ITSN1: variants seen among roughly 807,000 people sequenced by gnomAD.
The protein encoded by ITSN1 is intersectin 1.
ITSN1 carries 58 observed loss-of-function variants against 239.8 expected under a neutral mutation model. The ratio of observed to expected loss-of-function variants is 0.24; its 90% CI spans 0.20 to 0.30. ITSN1 has a LOEUF of 0.30. Among genes scored for constraint, ITSN1 ranks in the 10% least tolerant of loss-of-function variants. The pLI is 1.00. For synonymous variants in ITSN1, 780 were observed against 770.8 expected (o/e 1.01, Z -0.20); for missense variants, 1,558 against 2,103.3 (o/e 0.74, Z 5.07).
At chr21:33,746,033 T>C (rs560564967) in intron 5 of ITSN1, among the ~76,000 whole-genome samples, 61 of 152,308 alleles carry the variant, frequency 4.0e-4, no homozygotes, top group African/African-American at 1.4e-3. Context: ...GAGCACAACT[T>C]CCGTCCCATC....
Position 33,772,833 on chromosome 21 carries a change from A to G in ITSN1, c.1305+510A>G, listed in dbSNP as rs146490790. 3.9e-5 allele frequency among the ~76,000 whole-genome samples: 6 copies of G among 152,268 alleles called. No individual in the cohort carries two copies. In the East Asian group the frequency reaches 1.2e-3, roughly 29 times the overall value. On this transcript the variant is annotated intron_variant, in intron 12 of 39. Coordinates refer to ENST00000381318, the MANE Select transcript of ITSN1 (RefSeq NM_003024.3). ...TAATGTACAAGTTTTTGATGATACA[A>G]TTTTGTAACAAACCACTGATACCAG...
At chr21:33,779,813 G>A (rs2070000626) in intron 14 of ITSN1, among the ~76,000 whole-genome samples, 3 of 152,168 alleles carry the variant, frequency 2.0e-5, no homozygotes, top group Middle Eastern at 6.8e-3. Flanking sequence ...CAAAATGCAT[G>A]CACCTTTTTA....
At chr21:33,733,537 TAATG>T (rs971355683) in intron 4 of ITSN1, among the ~76,000 whole-genome samples, 1 of 152,124 alleles carries the variant, frequency 6.6e-6, no homozygotes, top group African/African-American at 2.4e-5. Flanking sequence ...AATCAACAAA[TAATG>T]AATTTTTAAA....
chr21:33,767,883 T>A lies in ITSN1; in HGVS notation c.1042+55T>A, dbSNP rs575623686. Reference sequence around the variant, plus strand: ...ATTTAGATTAAACGAAATTAGAGATTTCCTATCTCTAAGACAAAGATAGAG... The same window carrying A: ...ATTTAGATTAAACGAAATTAGAGATATCCTATCTCTAAGACAAAGATAGAG... On this transcript the variant is annotated intron_variant, in intron 11 of 39. Transcript: ENST00000381318. The A allele has an allele frequency of 7.9e-5, 78 of 982,594 alleles. 1 individual carries two copies. In the South Asian group the frequency reaches 9.2e-4, roughly 12 times the overall value. 60.9% of individuals were successfully genotyped at this position (982,594 alleles called of 1,614,324 possible). A position where few individuals can be genotyped will look rare whatever the true frequency, so the allele number is the denominator to read the frequency against.
Position 33,810,991 on chromosome 21 carries a change from C to T in ITSN1, c.2336C>T (p.Thr779Ile). 1 of 1,614,190 alleles carries T rather than the reference C, an allele frequency of 6.2e-7. No individual in the cohort carries two copies. The highest frequency in any genetic ancestry group is 8.5e-7 in the Non-Finnish European group (1 of 1,180,026). The change falls in exon 21 of 40, where the codon ACT becomes ATT. Residue 779 changes from threonine (T) to isoleucine (I), a missense_variant. Coordinates refer to ENST00000381318, the MANE Select transcript of ITSN1 (RefSeq NM_003024.3). ...VKGEWVDESQ[T>I]GEPGWLGGEL... ...TTTCCACAGGTGGATGAAAGCCAAA[C>T]TGGAGAACCCGGCTGGCTTGGAGGA...
chr21:33,880,771 T>C (rs1422838702), intron 34 of ITSN1, among the ~76,000 whole-genome samples: 1 of 151,906 alleles, frequency 6.6e-6, no homozygotes, highest in Admixed American at 6.6e-5. Context: ...CCCAGGCCAA[T>C]TGTGTGGGCA....
rs780710511 is a variant in ITSN1 at position 33,891,018 on chromosome 21, G to C, written c.*2718G>C. ...ACTGAACTATCCTGGGACCTCTTGG[G>C]CTGAGCCTTCTTCACAGAGCAGTTC... On this transcript the variant is annotated 3_prime_UTR_variant, in exon 40 of 40. Coordinates refer to ENST00000381318, the MANE Select transcript of ITSN1 (RefSeq NM_003024.3). The C allele has an allele frequency of 3.3e-5, 5 of 152,302 alleles. No individual in the cohort carries two copies. The highest frequency in any genetic ancestry group is 7.3e-5 in the Non-Finnish European group (5 of 68,116). 9.4% of individuals were successfully genotyped at this position (152,302 alleles called of 1,614,324 possible).
chr21:33,696,251 A>G (rs951439736), intron 1 of ITSN1, among the ~76,000 whole-genome samples: 1 of 152,166 alleles, frequency 6.6e-6, no homozygotes. Context: ...AGCAGGAGGT[A>G]GCCAGCATCT....
At chr21:33,761,584 T>C (rs2068330894) in intron 8 of ITSN1, among the ~76,000 whole-genome samples, 1 of 152,154 alleles carries the variant, frequency 6.6e-6, no homozygotes, top group Non-Finnish European at 1.5e-5. Flanking sequence ...AGAATAACTT[T>C]CAAGTTTGTA....
chr21:33,882,479 A>G lies in ITSN1; in HGVS notation c.4554+24A>G, dbSNP rs767073618. 2 of 1,601,238 alleles carry G rather than the reference A, an allele frequency of 1.2e-6. No homozygotes were observed. The highest frequency in any genetic ancestry group is 4.5e-5 in the East Asian group (2 of 44,796). On this transcript the variant is annotated intron_variant, in intron 35 of 39. Transcript: ENST00000381318. This position sits in a 1 kb window ranked among gnomAD's most constrained non-coding sequence, Gnocchi z 4.5. Reference sequence around the variant, plus strand: ...CAGTAAGTTGGATTCTAGATTTTGCATTATCAGGGTTGACGTGTTTGGGGA... The same window carrying G: ...CAGTAAGTTGGATTCTAGATTTTGCGTTATCAGGGTTGACGTGTTTGGGGA...
At chr21:33,694,419 A>G (rs1013709838) in intron 1 of ITSN1, among the ~76,000 whole-genome samples, 11 of 152,206 alleles carry the variant, frequency 7.2e-5, no homozygotes, top group African/African-American at 2.2e-4. Flanking sequence ...GTCATGGTGA[A>G]TGCCTTTGGA....
chr21:33,836,346 A>C, intron 28 of ITSN1, 95 bp from the exon 29 acceptor site: 2 of 870,580 alleles, frequency 2.3e-6, no homozygotes, highest in Non-Finnish European at 3.4e-6. Context: ...CTGAAAGGAC[A>C]GAAATAGTAG....
At chr21:33,806,096 A>T (rs1349527410) in intron 20 of ITSN1, among the ~76,000 whole-genome samples, 1 of 148,298 alleles carries the variant, frequency 6.7e-6, no homozygotes, top group Non-Finnish European at 1.5e-5. Flanking sequence ...CTGTAGTCCC[A>T]GCTACTCGGG....
intron 16 of ITSN1, 45 bp downstream of exon 16, chr21:33,782,178 T>A: frequency 6.4e-7 from 1 of 1,574,758 alleles, no homozygotes; most frequent in African/African-American, 1.4e-5. Context: ...ACCTTTAATT[T>A]TTTTAACTGT....
chr21:33,875,721 C>T (rs1013985379), intron 34 of ITSN1, among the ~76,000 whole-genome samples, 200 bp downstream of exon 34: 6 of 152,202 alleles, frequency 3.9e-5, no homozygotes, highest in African/African-American at 1.4e-4. Flanking sequence ...CACTCTGTTG[C>T]CCAGGTTGGA....
chr21:33,736,889 A>G (rs1296286033), intron 5 of ITSN1, among the ~76,000 whole-genome samples: 2 of 152,150 alleles, frequency 1.3e-5, no homozygotes, highest in African/African-American at 4.8e-5. Flanking sequence ...GGAAGCTGAG[A>G]CAAGAGGATC....
At chr21:33,885,980 G>A (rs537700451) in intron 38 of ITSN1, among the ~76,000 whole-genome samples, 2 of 152,276 alleles carry the variant, frequency 1.3e-5, no homozygotes, top group South Asian at 4.1e-4. Context: ...GCCAAAGCAG[G>A]TGGATCACCT....
chr21:33,674,860 A>G (rs1480570546), intron 1 of ITSN1, among the ~76,000 whole-genome samples: 1 of 152,208 alleles, frequency 6.6e-6, no homozygotes, highest in East Asian at 1.9e-4. Context: ...ATTTTTGGCA[A>G]TGTCCATTCA....
chr21:33,776,544 CAA>C lies in ITSN1; in HGVS notation c.1596+1452_1596+1453del, dbSNP rs34789155. ...CTGGGCCACAGAATGAGACCCTGTTCAAAAAAAAAAAAAAAAAGAGAGAGAAA... is the reference window on the plus strand; with the variant it reads ...CTGGGCCACAGAATGAGACCCTGTTCAAAAAAAAAAAAAAAGAGAGAGAAA... On this transcript the variant is annotated intron_variant, in intron 14 of 39. Transcript: ENST00000381318. Among the ~76,000 whole-genome samples the C allele has an allele frequency of 2.4e-3, 213 of 88,780 alleles. 1 individual carries two copies. Among genetic ancestry groups the C allele is most frequent in the African/African-American group, 6.4e-3 (173 of 27,094 alleles). 58.2% of individuals were successfully genotyped at this position (88,780 alleles called of 152,430 possible).
Sources: allele counts gnomAD v4.1 joint callset (sites outside exome capture counted in the v4.1 genomes callset), GRCh38; gene constraint gnomAD v4.1.1; non-coding constraint Gnocchi (gnomAD v3.1); transcripts MANE v1.5; gene names NCBI Gene and HGNC (gene_info 2026-07-23, HGNC 2026-07-21).